The following GBE1 variants were observed in gnomAD, a reference collection of about 807,000 sequenced individuals.
GBE1 encodes the protein 1,4-alpha-glucan branching enzyme 1.
In GBE1, 70 loss-of-function variants were observed where a neutral mutation model predicts 88.8. That is an observed-to-expected ratio of 0.79 (90% CI 0.65 to 0.96). The LOEUF is 0.96. Ranked by LOEUF, GBE1 falls within the 40% of genes least tolerant of loss-of-function variation. The probability of loss-of-function intolerance (pLI) is 0.00; values close to 1 mark genes in which losing one functional copy is unlikely to be tolerated. For synonymous variants in GBE1, 284 were observed against 300.1 expected, an observed-to-expected ratio of 0.95 and a Z score of 0.56; for missense variants, 872 against 871.0, an observed-to-expected ratio of 1.00 and a Z score of -0.01.
At chr3:81,512,634 A>ATT (rs1702740852) in intron 14 of GBE1, among the ~76,000 whole-genome samples, 1 of 151,906 alleles carries the variant, frequency 6.6e-6, no homozygotes, top group African/African-American at 2.4e-5. Context: ...ACTGTACTGA[A>ATT]TTTAGAGAAA....
At chr3:81,672,927 G>A (rs908214843) in intron 2 of GBE1, among the ~76,000 whole-genome samples, 1 of 151,588 alleles carries the variant, frequency 6.6e-6, no homozygotes, top group Non-Finnish European at 1.5e-5. Flanking sequence ...GAATACCGGG[G>A]GTAAAACAGG....
At chr3:81,652,982 C>T (rs1704872598) in intron 3 of GBE1, among the ~76,000 whole-genome samples, 1 of 152,154 alleles carries the variant, frequency 6.6e-6, no homozygotes, top group Non-Finnish European at 1.5e-5. Context: ...AAAATGTCAG[C>T]ATGCTATGGA....
At position 81,594,253 on chromosome 3, in the gene GBE1, A is replaced by G. The variant is rs868166793; in HGVS notation, c.993-230T>C. Among the ~76,000 whole-genome samples, 4 of 152,106 alleles carry G rather than the reference A, an allele frequency of 2.6e-5. No homozygotes were observed. The South Asian group carries it at 8.3e-4, about 31-fold the overall frequency. On this transcript the variant is annotated intron_variant, in intron 7 of 15. Transcript: ENST00000429644. ...TTTATAGTCCACAAAGTCACTTAAT[A>G]TCTAAGAAAATTTAGGGAAAACATT...
chr3:81,641,539 G>C (rs76653436), intron 7 of GBE1, among the ~76,000 whole-genome samples: 7,926 of 152,062 alleles, frequency 0.052, 495 homozygotes, highest in East Asian at 0.35. Flanking sequence ...CCCAAACTCT[G>C]CCTCCTTCTA....
intron 3 of GBE1, among the ~76,000 whole-genome samples, chr3:81,653,220 T>C (rs567583282): frequency 5.0e-4 from 76 of 152,034 alleles, no homozygotes; most frequent in Non-Finnish European, 9.3e-4. Flanking sequence ...TCTCAGCACT[T>C]TGGGAGGCTG....
At chr3:81,650,887 G>C (rs1160764679) in intron 3 of GBE1, among the ~76,000 whole-genome samples, 2 of 152,086 alleles carry the variant, frequency 1.3e-5, no homozygotes, top group Non-Finnish European at 2.9e-5. Flanking sequence ...TGTTGCCCAG[G>C]CTAGTCTTGA....
intron 12 of GBE1, among the ~76,000 whole-genome samples, chr3:81,576,816 G>A (rs1276130836): frequency 3.3e-5 from 5 of 152,010 alleles, no homozygotes; most frequent in African/African-American, 7.2e-5. Flanking sequence ...GGTAGTATAC[G>A]TGAAATCTGT....
intron 9 of GBE1, among the ~76,000 whole-genome samples, chr3:81,587,032 C>T (rs207463251): frequency 4.5e-4 from 69 of 152,010 alleles, no homozygotes; most frequent in African/African-American, 1.3e-3. Context: ...CCGTTCGAGA[C>T]GGGAGTCCGA....
intron 3 of GBE1, among the ~76,000 whole-genome samples, chr3:81,659,047 A>G (rs146514117): frequency 0.01 from 1,577 of 152,316 alleles, 22 homozygotes; most frequent in Non-Finnish European, 0.013. Flanking sequence ...AAAAGGGGAA[A>G]AAATCAGTGA....
At chr3:81,498,184 A>T (rs2106808495) in intron 15 of GBE1, among the ~76,000 whole-genome samples, 1 of 152,208 alleles carries the variant, frequency 6.6e-6, no homozygotes, top group African/African-American at 2.4e-5. Context: ...TTGGCATATC[A>T]CTTTTATATA....
chr3:81,673,355 T>C (rs1054405945), intron 2 of GBE1, among the ~76,000 whole-genome samples: 7 of 151,892 alleles, frequency 4.6e-5, no homozygotes, highest in African/African-American at 1.7e-4. Flanking sequence ...GCAGGCCCTG[T>C]TCAATGCCAA....
chr3:81,734,991 A>T (rs1242282541), intron 1 of GBE1, among the ~76,000 whole-genome samples: 2 of 152,138 alleles, frequency 1.3e-5, no homozygotes, highest in Non-Finnish European at 2.9e-5. Flanking sequence ...TCATCCCTTT[A>T]TCTGATGTAT....
intron 7 of GBE1, chr3:81,612,224 A>T (rs921009487): frequency 2.3e-6 from 1 of 442,538 alleles, no homozygotes; most frequent in South Asian, 2.7e-5. Flanking sequence ...CTCCTTTAAA[A>T]AAAAAAAAAA....
intron 7 of GBE1, among the ~76,000 whole-genome samples, chr3:81,604,612 T>C (rs115669371): frequency 0.018 from 2,677 of 152,154 alleles, 98 homozygotes; most frequent in African/African-American, 0.062. Context: ...AATAAACAAA[T>C]TGAAAAGTAA....
chr3:81,629,976 T>G (rs1181622240), intron 7 of GBE1, among the ~76,000 whole-genome samples: 1 of 151,946 alleles, frequency 6.6e-6, no homozygotes, highest in African/African-American at 2.4e-5. Flanking sequence ...GTTTGGTTTT[T>G]TGTCCTTGCG....
chr3:81,750,345 T>A (rs1044802476), intron 1 of GBE1, among the ~76,000 whole-genome samples: 2 of 151,406 alleles, frequency 1.3e-5, no homozygotes, highest in African/African-American at 2.4e-5. Flanking sequence ...AAAAAAATAA[T>A]TCATGCTTTA....
intron 14 of GBE1, among the ~76,000 whole-genome samples, chr3:81,508,535 CA>C (rs1277240242): frequency 6.6e-6 from 1 of 151,948 alleles, no homozygotes; most frequent in Non-Finnish European, 1.5e-5. Context: ...CCTGCAGACT[CA>C]ACACTTTTTT....
At chr3:81,521,930 T>C (rs1312749464) in intron 14 of GBE1, among the ~76,000 whole-genome samples, 2 of 151,530 alleles carry the variant, frequency 1.3e-5, no homozygotes, top group Non-Finnish European at 3.0e-5. Flanking sequence ...GGAAAGCTAA[T>C]GCAACTTTAA....
At chr3:81,545,483 A>T (rs1445622964) in intron 12 of GBE1, among the ~76,000 whole-genome samples, 1 of 152,190 alleles carries the variant, frequency 6.6e-6, no homozygotes, top group Non-Finnish European at 1.5e-5. Context: ...AGAAAGGATG[A>T]CATGCTAGAT....
Sources: gnomAD v4.1 joint callset for allele counts (sites outside exome capture counted in the v4.1 genomes callset) on GRCh38, gnomAD v4.1.1 for gene constraint, MANE v1.5 for transcripts, NCBI Gene and HGNC (gene_info 2026-07-23, HGNC 2026-07-21) for gene names.